PKN2: variants seen among roughly 807,000 people sequenced by gnomAD.
The protein encoded by PKN2 is serine/threonine-protein kinase N2.
In PKN2, 38 loss-of-function variants were observed where a neutral mutation model predicts 119.1. The ratio of observed to expected loss-of-function variants is 0.32; its 90% CI spans 0.25 to 0.42. PKN2 has a LOEUF of 0.42. Ranked by LOEUF, PKN2 falls within the 10% of genes least tolerant of loss-of-function variation. The pLI is 1.00. For synonymous variants in PKN2, 390 were observed against 384.9 expected (o/e 1.01, Z -0.15); for missense variants, 850 against 1,165.1 (o/e 0.73, Z 3.94).
intron 6 of PKN2, among the ~76,000 whole-genome samples, chr1:88,777,742 C>T (rs1001063181): frequency 2.0e-5 from 3 of 152,264 alleles, no homozygotes; most frequent in South Asian, 2.1e-4. Flanking sequence ...TAGTTCAGGT[C>T]GTGCTGGGAA....
At chr1:88,800,913 G>T (rs1671279494) in intron 8 of PKN2, among the ~76,000 whole-genome samples, 1 of 152,256 alleles carries the variant, frequency 6.6e-6, no homozygotes, top group South Asian at 2.1e-4. Context: ...CACAAGTTGG[G>T]ACAGTACCTA....
At chr1:88,694,254 A>G (rs957630422) in intron 1 of PKN2, among the ~76,000 whole-genome samples, 2 of 152,160 alleles carry the variant, frequency 1.3e-5, no homozygotes, top group Non-Finnish European at 2.9e-5. Flanking sequence ...CACTAAGCTT[A>G]TTCTCTGTGT....
intron 8 of PKN2, among the ~76,000 whole-genome samples, chr1:88,789,524 G>A (rs1462595486): frequency 2.0e-5 from 3 of 152,030 alleles, no homozygotes; most frequent in Non-Finnish European, 4.4e-5. Flanking sequence ...TTAGCTGGGT[G>A]CAGTGGCAGA....
At chr1:88,685,292 C>CT in intron 1 of PKN2, 1 of 150,964 alleles carries the variant, frequency 6.6e-6, no homozygotes, top group South Asian at 2.1e-4. Context: ...TACAGGGTGC[C>CT]TTTCTCTGCT....
At position 88,767,568 on chromosome 1, in the gene PKN2, T is replaced by C. The variant is rs1669711844; in HGVS notation, c.505-2784T>C. Reference sequence around the variant, plus strand: ...GCACCTAGGCTGTAGTAACAGCATGTAACTATACTGAATACTGTAGGCAAT... The same window carrying C: ...GCACCTAGGCTGTAGTAACAGCATGCAACTATACTGAATACTGTAGGCAAT... On this transcript the variant is annotated intron_variant, in intron 3 of 21. Coordinates refer to ENST00000370521, the MANE Select transcript of PKN2 (RefSeq NM_006256.4). Among the ~76,000 whole-genome samples, 3 of 152,278 alleles carry C rather than the reference T, an allele frequency of 2.0e-5. No homozygotes were observed. In the South Asian group the frequency reaches 6.2e-4, roughly 32 times the overall value.
intron 8 of PKN2, among the ~76,000 whole-genome samples, chr1:88,789,075 A>AGT (rs1424641326): frequency 1.1e-4 from 16 of 152,290 alleles, no homozygotes; most frequent in African/African-American, 3.8e-4. Context: ...AGCAGATTTC[A>AGT]GTGTTGTTAA....
At chr1:88,743,517 A>C (rs1668654215) in intron 2 of PKN2, among the ~76,000 whole-genome samples, 1 of 152,206 alleles carries the variant, frequency 6.6e-6, no homozygotes, top group Non-Finnish European at 1.5e-5. Context: ...TTTAGGTATT[A>C]CCATAAAACC....
At chr1:88,804,964 T>A in intron 10 of PKN2, 43 bp downstream of exon 10, 1 of 924,384 alleles carries the variant, frequency 1.1e-6, no homozygotes, top group Non-Finnish European at 1.7e-6. Context: ...GATATTTTCT[T>A]AAACAATCTA....
chr1:88,784,593 A>G, intron 6 of PKN2, 46 bp from the exon 7 acceptor site: 3 of 1,170,332 alleles, frequency 2.6e-6, no homozygotes, highest in Non-Finnish European at 3.5e-6. Flanking sequence ...AGGATTCCAT[A>G]GATTAAGGGT....
At chr1:88,698,822 C>T (rs898481006) in intron 1 of PKN2, among the ~76,000 whole-genome samples, 2 of 152,180 alleles carry the variant, frequency 1.3e-5, no homozygotes, top group South Asian at 2.1e-4. Context: ...TTACAAAAGA[C>T]ATTTAACCAA....
chr1:88,833,196 C>T (rs761272246), intron 21 of PKN2, 39 bp downstream of exon 21: 15 of 1,607,732 alleles, frequency 9.3e-6, no homozygotes, highest in Admixed American at 5.0e-5. Context: ...GAAACTAGAG[C>T]GATTAGATTT....
chr1:88,770,721 G>A (rs1213166484), intron 4 of PKN2, among the ~76,000 whole-genome samples: 1 of 151,260 alleles, frequency 6.6e-6, no homozygotes, highest in African/African-American at 2.4e-5. Flanking sequence ...AAGTAGCTGG[G>A]ACTACAGGCG....
intron 1 of PKN2, among the ~76,000 whole-genome samples, chr1:88,728,865 A>G (rs1233224823): frequency 6.6e-6 from 1 of 150,720 alleles, no homozygotes; most frequent in African/African-American, 2.4e-5. Flanking sequence ...TCTATAGCCA[A>G]TGTCCAGTGA....
chr1:88,698,006 A>G (rs554950219), intron 1 of PKN2, among the ~76,000 whole-genome samples: 1 of 152,290 alleles, frequency 6.6e-6, no homozygotes, highest in East Asian at 1.9e-4. Context: ...GAAGGAAAGG[A>G]CTATATTTTT....
At chr1:88,810,699 C>T (rs909489973) in intron 15 of PKN2, among the ~76,000 whole-genome samples, 20 of 152,022 alleles carry the variant, frequency 1.3e-4, no homozygotes, top group African/African-American at 4.1e-4. Context: ...CTCCGCCTCC[C>T]GGGTTCAAGC....
chr1:88,770,721 G>T (rs1213166484), intron 4 of PKN2, among the ~76,000 whole-genome samples: 19 of 151,260 alleles, frequency 1.3e-4, no homozygotes, highest in Admixed American at 1.1e-3. Flanking sequence ...AAGTAGCTGG[G>T]ACTACAGGCG....
At chr1:88,778,393 A>C (rs1670191185) in intron 6 of PKN2, among the ~76,000 whole-genome samples, 1 of 152,232 alleles carries the variant, frequency 6.6e-6, no homozygotes, top group Non-Finnish European at 1.5e-5. Context: ...ACTCACCCAG[A>C]CACTTTACAA....
chr1:88,808,839 C>T (rs948614961), intron 15 of PKN2, among the ~76,000 whole-genome samples: 1 of 152,290 alleles, frequency 6.6e-6, no homozygotes, highest in East Asian at 1.9e-4. Context: ...GAGCCCTGGA[C>T]TATGACTGAG....
At chr1:88,775,060 G>C (rs1308156387) in intron 6 of PKN2, among the ~76,000 whole-genome samples, 1 of 151,990 alleles carries the variant, frequency 6.6e-6, no homozygotes, top group Non-Finnish European at 1.5e-5. Flanking sequence ...GAGATAGATA[G>C]ATATATATAT....
Sources: allele counts gnomAD v4.1 joint callset (sites outside exome capture counted in the v4.1 genomes callset), GRCh38; gene constraint gnomAD v4.1.1; transcripts MANE v1.5; gene names NCBI Gene and HGNC (gene_info 2026-07-23, HGNC 2026-07-21).